CADPS2: variants seen among roughly 807,000 people sequenced by gnomAD.
CADPS2 encodes the protein calcium dependent secretion activator 2.
CADPS2 carries 93 observed loss-of-function variants against 172.5 expected under a neutral mutation model. That is an observed-to-expected ratio of 0.54 (90% CI 0.46 to 0.64). The LOEUF is 0.64. Ranked by LOEUF, CADPS2 falls within the 30% of genes least tolerant of loss-of-function variation. The probability of loss-of-function intolerance (pLI) is 0.00; values close to 1 mark genes in which losing one functional copy is unlikely to be tolerated. For missense variants in CADPS2, 1,420 were observed against 1,565.9 expected, an observed-to-expected ratio of 0.91 and a Z score of 1.57; for synonymous variants, 546 against 555.2, an observed-to-expected ratio of 0.98 and a Z score of 0.23.
chr7:122,789,962 T>C (rs1181411522), intron 1 of CADPS2, among the ~76,000 whole-genome samples: 1 of 146,124 alleles, frequency 6.8e-6, no homozygotes, highest in Non-Finnish European at 1.5e-5. Flanking sequence ...AAAGACAGAG[T>C]ACTAAGGGAA....
intron 17 of CADPS2, among the ~76,000 whole-genome samples, chr7:122,420,487 G>A (rs760164717): frequency 1.3e-5 from 2 of 152,160 alleles, no homozygotes; most frequent in Non-Finnish European, 2.9e-5. Context: ...TGTGTATCCC[G>A]TCTCTGGTTT....
At chr7:122,544,805 G>A (rs1357640814) in intron 8 of CADPS2, among the ~76,000 whole-genome samples, 1 of 152,114 alleles carries the variant, frequency 6.6e-6, no homozygotes, top group Non-Finnish European at 1.5e-5. Context: ...AAGATTTAGG[G>A]CACAAGGTAT....
chr7:122,432,654 A>G (rs966480399), intron 17 of CADPS2, among the ~76,000 whole-genome samples: 11 of 150,966 alleles, frequency 7.3e-5, no homozygotes, highest in Admixed American at 1.3e-4. Context: ...AAAAAAAAAA[A>G]AAAAAAAGAA....
chr7:122,725,503 T>C (rs1165525870), intron 2 of CADPS2, among the ~76,000 whole-genome samples: 3 of 151,404 alleles, frequency 2.0e-5, no homozygotes, highest in Non-Finnish European at 4.4e-5. Context: ...ATCACCCAAA[T>C]AGTGTACACG....
At chr7:122,686,411 T>G (rs2135940255) in intron 2 of CADPS2, among the ~76,000 whole-genome samples, 1 of 152,320 alleles carries the variant, frequency 6.6e-6, no homozygotes, top group South Asian at 2.1e-4. Flanking sequence ...CTATTTTTAT[T>G]ACAGCTGTGA....
intron 5 of CADPS2, among the ~76,000 whole-genome samples, chr7:122,616,617 A>T (rs1012857036): frequency 6.6e-6 from 1 of 152,190 alleles, no homozygotes; most frequent in African/African-American, 2.4e-5. Context: ...ATGGAAATAC[A>T]TACCAACATA....
At chr7:122,391,161 T>C (rs1220136124) in intron 22 of CADPS2, among the ~76,000 whole-genome samples, 2 of 152,084 alleles carry the variant, frequency 1.3e-5, no homozygotes, top group Non-Finnish European at 2.9e-5. Flanking sequence ...CATAACATTA[T>C]GAGTAATTCT....
intron 29 of CADPS2, among the ~76,000 whole-genome samples, chr7:122,321,972 A>G (rs901550047): frequency 6.6e-6 from 1 of 152,232 alleles, no homozygotes; most frequent in Non-Finnish European, 1.5e-5. Flanking sequence ...GTCATAAGTT[A>G]TTATGACTAA....
At chr7:122,678,881 AATTGTGAAG>A (rs2082665568) in intron 2 of CADPS2, among the ~76,000 whole-genome samples, 1 of 152,122 alleles carries the variant, frequency 6.6e-6, no homozygotes, top group Non-Finnish European at 1.5e-5. Flanking sequence ...GCAGAACATA[AATTGTGAAG>A]ATTTCATGGA....
intron 11 of CADPS2, among the ~76,000 whole-genome samples, chr7:122,486,403 G>T (rs945988520): frequency 2.0e-5 from 3 of 152,152 alleles, no homozygotes; most frequent in African/African-American, 7.2e-5. Context: ...TTAAGGGATT[G>T]AAGACTTGAG....
At chr7:122,379,953 T>C (rs191999470) in intron 24 of CADPS2, among the ~76,000 whole-genome samples, 2 of 152,204 alleles carry the variant, frequency 1.3e-5, no homozygotes, top group African/African-American at 4.8e-5. Flanking sequence ...GTTTATACAA[T>C]TCTTACAATA....
chr7:122,332,651 T>C (rs2035174835), intron 28 of CADPS2, among the ~76,000 whole-genome samples: 1 of 152,190 alleles, frequency 6.6e-6, no homozygotes, highest in African/African-American at 2.4e-5. Context: ...CCATACTTCA[T>C]CTTTTAAAAA....
intron 24 of CADPS2, among the ~76,000 whole-genome samples, chr7:122,383,564 C>T (rs1011537330): frequency 6.6e-6 from 1 of 152,118 alleles, no homozygotes; most frequent in African/African-American, 2.4e-5. Context: ...CATCTGCCCT[C>T]AAAGGCAAAC....
At chr7:122,557,053 A>G (rs963846130) in intron 7 of CADPS2, among the ~76,000 whole-genome samples, 1 of 152,096 alleles carries the variant, frequency 6.6e-6, no homozygotes, top group Admixed American at 6.6e-5. Flanking sequence ...TTCTGGACAG[A>G]CTGACTGATA....
At chr7:122,835,262 T>A (rs1807998668) in intron 1 of CADPS2, among the ~76,000 whole-genome samples, 1 of 151,988 alleles carries the variant, frequency 6.6e-6, no homozygotes, top group Non-Finnish European at 1.5e-5. Flanking sequence ...AGAAAGGACA[T>A]CCACACCAAA....
intron 27 of CADPS2, among the ~76,000 whole-genome samples, chr7:122,347,363 T>C (rs1469101265): frequency 6.6e-6 from 1 of 152,154 alleles, no homozygotes; most frequent in Non-Finnish European, 1.5e-5. Context: ...GTATAGGCAG[T>C]GAGCATGTCT....
chr7:122,524,428 A>T (rs1466669988), intron 8 of CADPS2, among the ~76,000 whole-genome samples: 1 of 152,178 alleles, frequency 6.6e-6, no homozygotes, highest in Admixed American at 6.6e-5. Context: ...TAAAAAAATA[A>T]TTAAGATGAC....
chr7:122,776,606 A>C (rs2093890646), intron 1 of CADPS2, among the ~76,000 whole-genome samples: 1 of 152,100 alleles, frequency 6.6e-6, no homozygotes, highest in Non-Finnish European at 1.5e-5. Flanking sequence ...AACAAAAAAC[A>C]GGAAAATGTG....
At chr7:122,744,440 G>A (rs896571285) in intron 1 of CADPS2, among the ~76,000 whole-genome samples, 7 of 152,226 alleles carry the variant, frequency 4.6e-5, no homozygotes, top group African/African-American at 1.7e-4. Context: ...TGGTACTATC[G>A]TGTGTTTTTT....
Sources: allele counts gnomAD v4.1 joint callset (sites outside exome capture counted in the v4.1 genomes callset), GRCh38; gene constraint gnomAD v4.1.1; transcripts MANE v1.5; gene names NCBI Gene and HGNC (gene_info 2026-07-23, HGNC 2026-07-21).